Variants in RPTOR observed in about 807,000 individuals in gnomAD.
The protein encoded by RPTOR is regulatory associated protein of MTOR complex 1.
In RPTOR, 21 loss-of-function variants were observed where a neutral mutation model predicts 169.9. That is an observed-to-expected ratio of 0.12 (90% CI 0.09 to 0.18). The LOEUF (loss-of-function observed/expected upper bound fraction) is 0.18. RPTOR is among the 10% of genes least tolerant of loss of function. RPTOR has a pLI of 1.00. For missense variants in RPTOR, 1,133 were observed against 1,855.9 expected (o/e 0.61, Z 7.16); for synonymous variants, 732 against 753.2 (o/e 0.97, Z 0.46).
In RPTOR at chr17:80,609,308, G is replaced by A. The variant is rs894551473; in HGVS notation, c.163-16383G>A. ...GCTCTGTCCAGGAACTGCAGTAAAC[G>A]TTCTAGCTGTTAATATTCTTCCTTC... On this transcript the variant is annotated intron_variant, in intron 1 of 33. Transcript: ENST00000306801. This position sits in a 1 kb window ranked among gnomAD's most constrained non-coding sequence, Gnocchi z 4.8. 5.3e-5 allele frequency among the ~76,000 whole-genome samples: 8 copies of A among 152,212 alleles called. No individual in the cohort carries two copies. The highest frequency in any genetic ancestry group is 1.9e-4 in the African/African-American group (8 of 41,448).
Position 80,707,786 on chromosome 17 carries a change from T to G in RPTOR, c.349-55T>G, listed in dbSNP as rs1323477283. Reference sequence around the variant, plus strand: ...CCAGAGGAAAGGGTAGGGGATGAGTTCCAAGCATTCCCTGGAGTCCGTGGT... The same window carrying G: ...CCAGAGGAAAGGGTAGGGGATGAGTGCCAAGCATTCCCTGGAGTCCGTGGT... On this transcript the variant is annotated intron_variant, in intron 3 of 33. Coordinates refer to ENST00000306801, the MANE Select transcript of RPTOR (RefSeq NM_020761.3). This position sits in a 1 kb window ranked among gnomAD's most constrained non-coding sequence, Gnocchi z 5.0. 4 of 1,561,882 alleles carry G rather than the reference T, an allele frequency of 2.6e-6. No individual in the cohort carries two copies. The highest frequency in any genetic ancestry group is 3.5e-6 in the Non-Finnish European group (4 of 1,143,414).
intron 10 of RPTOR, among the ~76,000 whole-genome samples, chr17:80,840,015 T>C (rs914118310): frequency 2.0e-5 from 3 of 152,178 alleles, no homozygotes; most frequent in African/African-American, 7.2e-5. Flanking sequence ...TCCTTTTGTT[T>C]TTAATCTTAT....
chr17:80,823,351 AAG>A lies in RPTOR; in HGVS notation c.1136+129_1136+130del. Reference sequence around the variant, plus strand: ...CTTGGGGACCCCGTGTAGCATTAACAAGTGAAGCTAAATGCAGGGCTCCCAGA... The same window carrying A: ...CTTGGGGACCCCGTGTAGCATTAACATGAAGCTAAATGCAGGGCTCCCAGA... On this transcript the variant is annotated intron_variant, in intron 9 of 33. Transcript: ENST00000306801. This position sits in a 1 kb window ranked among gnomAD's most constrained non-coding sequence, Gnocchi z 4.5. 3.4e-6 allele frequency: 4 copies of A among 1,186,736 alleles called. No homozygotes were observed. The highest frequency in any genetic ancestry group is 1.5e-5 in the African/African-American group (1 of 65,290). 73.5% of individuals were successfully genotyped at this position (1,186,736 alleles called of 1,614,324 possible). A position where few individuals can be genotyped will look rare whatever the true frequency, so the allele number is the denominator to read the frequency against.
intron 19 of RPTOR, among the ~76,000 whole-genome samples, chr17:80,893,091 G>A (rs946122942): frequency 2.0e-5 from 3 of 152,230 alleles, no homozygotes; most frequent in African/African-American, 4.8e-5. Context: ...TTACCAATGC[G>A]GCAGGGAGCT....
chr17:80,618,049 C>T (rs373774784), intron 1 of RPTOR, among the ~76,000 whole-genome samples: 4 of 150,894 alleles, frequency 2.7e-5, no homozygotes, highest in South Asian at 2.1e-4. Context: ...GGTGTGATCT[C>T]GGCTCACTGT....
intron 1 of RPTOR, among the ~76,000 whole-genome samples, chr17:80,617,188 C>A (rs137993067): frequency 6.6e-6 from 1 of 152,194 alleles, no homozygotes; most frequent in Non-Finnish European, 1.5e-5. Context: ...CTGAAGAGGT[C>A]AGAATCACTC....
intron 6 of RPTOR, among the ~76,000 whole-genome samples, chr17:80,770,379 A>C (rs1200687991): frequency 6.6e-6 from 1 of 152,158 alleles, no homozygotes; most frequent in Admixed American, 6.5e-5. Flanking sequence ...TGGGAAATGA[A>C]AGCCTGTTTG....
chr17:80,745,587 T>C (rs1482749075), intron 5 of RPTOR, among the ~76,000 whole-genome samples: 1 of 152,250 alleles, frequency 6.6e-6, no homozygotes, highest in East Asian at 1.9e-4. Flanking sequence ...CACATTAATA[T>C]CTTTGACTAT....
chr17:80,783,817 T>G (rs955335415), intron 6 of RPTOR, among the ~76,000 whole-genome samples: 2 of 152,250 alleles, frequency 1.3e-5, no homozygotes, highest in Non-Finnish European at 2.9e-5. Context: ...AGGGCCACTA[T>G]GAAATAGCAA....
chr17:80,586,207 C>T (rs938458491), intron 1 of RPTOR, among the ~76,000 whole-genome samples: 2 of 152,136 alleles, frequency 1.3e-5, no homozygotes, highest in Non-Finnish European at 2.9e-5. Context: ...CCATCCTGAT[C>T]TCTCCACAGA....
chr17:80,913,956 G>C (rs2068641908), intron 21 of RPTOR, among the ~76,000 whole-genome samples: 1 of 152,236 alleles, frequency 6.6e-6, no homozygotes, highest in African/African-American at 2.4e-5. Context: ...TAATTTATGA[G>C]AAAACGTGTG....
chr17:80,703,918 G>A (rs1262025111), intron 3 of RPTOR, among the ~76,000 whole-genome samples: 2 of 152,210 alleles, frequency 1.3e-5, no homozygotes, highest in East Asian at 1.9e-4. Flanking sequence ...CCATTATCAC[G>A]CCTCTGATTC....
At chr17:80,606,494 C>G (rs770651267) in intron 1 of RPTOR, among the ~76,000 whole-genome samples, 1 of 151,970 alleles carries the variant, frequency 6.6e-6, no homozygotes, top group Non-Finnish European at 1.5e-5. Flanking sequence ...AATTTTTTAC[C>G]TGATCTTTAA....
intron 13 of RPTOR, among the ~76,000 whole-genome samples, chr17:80,867,948 G>A (rs2068012079): frequency 6.6e-6 from 1 of 152,134 alleles, no homozygotes; most frequent in Non-Finnish European, 1.5e-5. Context: ...ACCTACAGCA[G>A]GCAAAACAAC....
chr17:80,768,168 AT>A (rs201321528), intron 6 of RPTOR, among the ~76,000 whole-genome samples: 2 of 151,524 alleles, frequency 1.3e-5, no homozygotes, highest in South Asian at 2.1e-4. Flanking sequence ...GACCACGTGA[AT>A]TTTTTTTTAA....
At chr17:80,814,136 C>G (rs2067300660) in intron 7 of RPTOR, among the ~76,000 whole-genome samples, 1 of 152,060 alleles carries the variant, frequency 6.6e-6, no homozygotes, top group African/African-American at 2.4e-5. Context: ...GAGACCTCAT[C>G]TCAAAAAAAT....
intron 7 of RPTOR, among the ~76,000 whole-genome samples, chr17:80,799,363 C>T (rs112789609): frequency 6.6e-6 from 1 of 152,224 alleles, no homozygotes; most frequent in South Asian, 2.1e-4. Context: ...CGGAACAGAT[C>T]GTGTGGATGT....
chr17:80,574,163 T>C (rs1319139747), intron 1 of RPTOR, among the ~76,000 whole-genome samples: 2 of 145,518 alleles, frequency 1.4e-5, no homozygotes, highest in Admixed American at 6.7e-5. Flanking sequence ...TTTTTCTTTT[T>C]TTTTTTTTTT....
At chr17:80,783,068 T>C (rs2066957709) in intron 6 of RPTOR, among the ~76,000 whole-genome samples, 1 of 152,224 alleles carries the variant, frequency 6.6e-6, no homozygotes, top group Non-Finnish European at 1.5e-5. Context: ...GTTTACCTTT[T>C]TAGGAAAGAG....
Sources: gnomAD v4.1 joint callset for allele counts (sites outside exome capture counted in the v4.1 genomes callset) on GRCh38, gnomAD v4.1.1 for gene constraint, Gnocchi (gnomAD v3.1) non-coding constraint, MANE v1.5 for transcripts, NCBI Gene and HGNC (gene_info 2026-07-23, HGNC 2026-07-21) for gene names.